The following ZNF451 variants were observed in gnomAD, a reference collection of about 807,000 sequenced individuals.
The protein encoded by ZNF451 is E3 SUMO-protein ligase ZNF451.
In ZNF451, 80 loss-of-function variants were observed where a neutral mutation model predicts 107.1. That is an observed-to-expected ratio of 0.75 (90% CI 0.62 to 0.90). The LOEUF (loss-of-function observed/expected upper bound fraction) is 0.90, where lower values mean the gene tolerates loss of function less well. ZNF451 is among the 40% of genes least tolerant of loss of function. The pLI is 0.00. For missense variants in ZNF451, 1,107 were observed against 1,236.2 expected, an observed-to-expected ratio of 0.90 and a Z score of 1.57; for synonymous variants, 362 against 406.5, an observed-to-expected ratio of 0.89 and a Z score of 1.32.
chr6:57,099,322 T>A (rs905809598), intron 3 of ZNF451, 181 bp downstream of exon 3: 2 of 639,244 alleles, frequency 3.1e-6, no homozygotes, highest in Admixed American at 5.4e-5. Context: ...TTTTTTCCTC[T>A]ACTTTGAATG....
At chr6:57,119,793 ATTTC>A (rs1353877065) in intron 3 of ZNF451, among the ~76,000 whole-genome samples, 1 of 150,768 alleles carries the variant, frequency 6.6e-6, no homozygotes, top group Non-Finnish European at 1.5e-5. Flanking sequence ...TATACTTTCT[ATTTC>A]TTTCTATTTA....
At chr6:57,121,305 CAGTT>C (rs1328409738) in intron 3 of ZNF451, among the ~76,000 whole-genome samples, 2 of 152,134 alleles carry the variant, frequency 1.3e-5, no homozygotes, top group Admixed American at 6.6e-5. Context: ...GTTTTGAAGT[CAGTT>C]AGTGTCAGTC....
Position 57,148,381 on chromosome 6 carries a change from AC to A in ZNF451, c.2298del (p.Asp767ThrfsTer2). 1 of 1,613,882 alleles carries A rather than the reference AC, an allele frequency of 6.2e-7. No homozygotes were observed. Among genetic ancestry groups the A allele is most frequent in the Non-Finnish European group, 8.5e-7 (1 of 1,179,872 alleles). ...ATGTTCGGCAACAGCACAGAATTTAACCGACATGAACACTCATATCCATCAA... is the reference window on the plus strand; with the variant it reads ...ATGTTCGGCAACAGCACAGAATTTAACGACATGAACACTCATATCCATCAA... Reference protein sequence around the residue: ...SLCSATAQNLTDMNTHIHQVH... With the variant: ...SLCSATAQNLXDMNTHIHQVH... On this transcript the variant is annotated frameshift_variant, in exon 10 of 15. Coordinates refer to ENST00000370706, the MANE Select transcript of ZNF451 (RefSeq NM_001031623.3). LOFTEE classifies it high-confidence loss of function.
chr6:57,157,206 C>T (rs1419928136), intron 13 of ZNF451, among the ~76,000 whole-genome samples: 1 of 152,092 alleles, frequency 6.6e-6, no homozygotes, highest in Non-Finnish European at 1.5e-5. Context: ...TTACCATCAG[C>T]AGGACTAAAA....
intron 13 of ZNF451, among the ~76,000 whole-genome samples, chr6:57,158,164 T>G (rs887599822): frequency 1.3e-5 from 2 of 152,170 alleles, no homozygotes; most frequent in African/African-American, 4.8e-5. Context: ...ACGACTGTGG[T>G]TGAGACTTTC....
rs751420128 is a variant in ZNF451 at position 57,147,195 on chromosome 6, C to T, written c.1110C>T (p.Val370=). ...GTTATTGTCCAGATTGCAATCAAGT[C>T]TTTGTGGATGAAACCAGCACCCAAA... ...LRGYCPDCNQ[V]FVDETSTQNH... Residue 370 remains valine, a synonymous_variant, in exon 10 of 15, where the codon GTC becomes GTT. Coordinates refer to ENST00000370706, the MANE Select transcript of ZNF451 (RefSeq NM_001031623.3). 4 of 1,613,944 alleles carry T rather than the reference C, an allele frequency of 2.5e-6. No individual in the cohort carries two copies. In the African/African-American group the frequency reaches 5.3e-5, roughly 22 times the overall value.
chr6:57,148,626 A>G lies in ZNF451; in HGVS notation c.2541A>G (p.Ala847=), dbSNP rs1832202455. 6.2e-7 allele frequency: 1 copy of G among 1,613,928 alleles called. No homozygotes were observed. The highest frequency in any genetic ancestry group is 1.1e-5 in the South Asian group (1 of 91,072). The stretch of plus-strand genomic sequence containing the variant: ...ATACAGAGAGAAAACTGAAACAGGC[A>G]ATAAACTATTCAAAAAGTTTAGACA... ...ASHTERKLKQ[A]INYSKSLDME... is the part of the protein sequence containing the mutation. The change falls in exon 10 of 15, where the codon GCA becomes GCG. Residue 847 remains alanine, a synonymous_variant. Transcript: ENST00000370706.
chr6:57,133,672 TTTTGTTTG>T (rs201928042), intron 6 of ZNF451, among the ~76,000 whole-genome samples: 8 of 152,042 alleles, frequency 5.3e-5, no homozygotes, highest in South Asian at 4.1e-4. Flanking sequence ...GTTTGGTGGT[TTTTGTTTG>T]TTTGTTTGTT....
intron 2 of ZNF451, among the ~76,000 whole-genome samples, chr6:57,094,088 T>C (rs1007353252): frequency 6.6e-6 from 1 of 152,232 alleles, no homozygotes; most frequent in African/African-American, 2.4e-5. Context: ...TGTATTGATA[T>C]CTCTTTCCAA....
At chr6:57,098,475 C>T (rs972197333) in intron 2 of ZNF451, among the ~76,000 whole-genome samples, 2 of 152,104 alleles carry the variant, frequency 1.3e-5, no homozygotes, top group Non-Finnish European at 2.9e-5. Context: ...TCTCCATACT[C>T]CTCTATGTGA....
chr6:57,134,421 G>A (rs1244059507), intron 6 of ZNF451, among the ~76,000 whole-genome samples: 1 of 152,132 alleles, frequency 6.6e-6, no homozygotes, highest in African/African-American at 2.4e-5. Flanking sequence ...GGTAACCAAG[G>A]CAAGAAGTAA....
rs760986842 is a variant in ZNF451, at chr6:57,128,791, T to C, written c.375T>C (p.Ser125=). The C allele has an allele frequency of 6.2e-7, 1 of 1,613,304 alleles. No homozygotes were observed. Among genetic ancestry groups the C allele is most frequent in the Non-Finnish European group, 8.5e-7 (1 of 1,179,548 alleles). The change falls in exon 5 of 15, where the codon TCT becomes TCC. Residue 125 remains serine (S), a synonymous_variant. Transcript: ENST00000370706. ...LQELEFIRGH[S]DTEAARLCVD... is the part of the protein sequence containing the mutation. The stretch of plus-strand genomic sequence containing the variant: ...AATTGGAATTTATTCGAGGACATTC[T>C]GATACAGAAGCAGCAAGACTGTGTG...
intron 3 of ZNF451, among the ~76,000 whole-genome samples, chr6:57,111,371 G>GTTTTTTTTT (rs372422404): frequency 7.5e-6 from 1 of 133,320 alleles, no homozygotes. Flanking sequence ...GGGTTTTTTT[G>GTTTTTTTTT]TTTTTTTTTT....
chr6:57,102,804 C>T (rs1376053422), intron 3 of ZNF451: 3 of 985,338 alleles, frequency 3.0e-6, no homozygotes, highest in Non-Finnish European at 2.4e-6. Context: ...TGTAACATCT[C>T]TGTAGAAATT....
Position 57,106,858 on chromosome 6 carries a change from A to T in ZNF451, c.186+7717A>T, listed in dbSNP as rs1412946737. 4 of 974,714 alleles carry T rather than the reference A, an allele frequency of 4.1e-6. No individual in the cohort carries two copies. The African/African-American group carries it at 7.0e-5, about 17-fold the overall frequency. 60.4% of individuals were successfully genotyped at this position (974,714 alleles called of 1,614,324 possible). A position where few individuals can be genotyped will look rare whatever the true frequency, so the allele number is the denominator to read the frequency against. On this transcript the variant is annotated intron_variant, in intron 3 of 14. Coordinates refer to ENST00000370706, the MANE Select transcript of ZNF451 (RefSeq NM_001031623.3). ...TTAAGAAAATATATAAGTGGAAGTT[A>T]TCAGTAAACTGGTGATTATTGTATT... is the stretch of plus-strand genomic sequence containing the variant.
At position 57,141,050 on chromosome 6, in the gene ZNF451, GTTC is replaced by G. The variant is rs147927640; in HGVS notation, c.703-247_703-245del. ...AATGAAAACTATATAGAAAGCAAAT[GTTC>G]TTCTATATTTGTTACTACAACAGAT... On this transcript the variant is annotated intron_variant, in intron 7 of 14. Transcript: ENST00000370706. Among the ~76,000 whole-genome samples the G allele has an allele frequency of 1.0e-3, 159 of 152,094 alleles. 2 individuals are homozygous for G. In the East Asian group the frequency reaches 0.029, roughly 28 times the overall value.
chr6:57,114,186 T>C (rs935113945), intron 3 of ZNF451, among the ~76,000 whole-genome samples: 7 of 152,326 alleles, frequency 4.6e-5, no homozygotes, highest in Non-Finnish European at 8.8e-5. Flanking sequence ...AGAGAACTTA[T>C]CTTTGTGATT....
At chr6:57,140,287 CA>C (rs1453172126) in intron 7 of ZNF451, among the ~76,000 whole-genome samples, 1 of 152,036 alleles carries the variant, frequency 6.6e-6, no homozygotes, top group Non-Finnish European at 1.5e-5. Context: ...CAATGAAGGC[CA>C]GGCACGGTGG....
At chr6:57,101,801 G>T in intron 3 of ZNF451, 1 of 1,550,508 alleles carries the variant, frequency 6.4e-7, no homozygotes. Flanking sequence ...GCCTGGCTTC[G>T]ACTTACATCT....
Sources: gnomAD v4.1 joint callset for allele counts (sites outside exome capture counted in the v4.1 genomes callset) on GRCh38, gnomAD v4.1.1 for gene constraint, MANE v1.5 for transcripts, NCBI Gene and HGNC (gene_info 2026-07-23, HGNC 2026-07-21) for gene names.